The following DPRX variants were observed in gnomAD, a reference collection of about 807,000 sequenced individuals.
DPRX encodes the protein divergent paired-related homeobox.
In DPRX, 11 loss-of-function variants were observed where a neutral mutation model predicts 8.4. The ratio of observed to expected loss-of-function variants is 1.31; its 90% CI spans 0.82 to 2.17. The LOEUF (loss-of-function observed/expected upper bound fraction) is 2.17. Among genes scored for constraint, DPRX ranks in the 30% most tolerant of loss-of-function variants. DPRX has a pLI of 0.00. For synonymous variants in DPRX, 72 were observed against 87.0 expected, an observed-to-expected ratio of 0.83 and a Z score of 0.96; for missense variants, 211 against 236.7, an observed-to-expected ratio of 0.89 and a Z score of 0.71.
Position 53,636,886 on chromosome 19 carries a change from TAATA to T in DPRX, c.475_478del (p.Asn159TyrfsTer?). 1.2e-6 allele frequency: 2 copies of T among 1,614,224 alleles called. No individual in the cohort carries two copies. The highest frequency in any genetic ancestry group is 1.7e-6 in the Non-Finnish European group (2 of 1,180,040). On this transcript the variant is annotated frameshift_variant, in exon 3 of 3. Transcript: ENST00000376650. LOFTEE classifies it low-confidence loss of function (END_TRUNC). Reference sequence around the variant, plus strand: ...TCCATTTTGGCTGCTGCCGAGATCCTAATATATACTGCCTCTACCCCATTTTGGA... The same window carrying T: ...TCCATTTTGGCTGCTGCCGAGATCCTTATACTGCCTCTACCCCATTTTGGA...
the DPRX span, among the ~76,000 whole-genome samples, chr19:53,621,861 T>C: frequency 1.3e-5 from 2 of 152,134 alleles, no homozygotes; most frequent in Non-Finnish European, 2.9e-5. Context: ...TAGGCTGCTA[T>C]AGCTATTTAA....
the DPRX span, among the ~76,000 whole-genome samples, chr19:53,626,534 A>G: frequency 6.6e-6 from 1 of 150,702 alleles, no homozygotes; most frequent in Non-Finnish European, 1.5e-5. Context: ...AGCCTGGGAG[A>G]CAGAGGGAGA....
chr19:53,624,204 C>G, the DPRX span, among the ~76,000 whole-genome samples: 1 of 146,344 alleles, frequency 6.8e-6, no homozygotes, highest in Non-Finnish European at 1.5e-5. Context: ...CCTTCTGCCT[C>G]AGCCTCCTGA....
intron 1 of DPRX, among the ~76,000 whole-genome samples, chr19:53,632,982 T>C (rs962407626): frequency 1.3e-5 from 2 of 152,120 alleles, no homozygotes; most frequent in African/African-American, 4.8e-5. Flanking sequence ...CCAAACCATT[T>C]TCAGGCATGA....
chr19:53,617,513 G>T, the DPRX span, among the ~76,000 whole-genome samples: 1 of 140,994 alleles, frequency 7.1e-6, no homozygotes, highest in Non-Finnish European at 1.5e-5. Flanking sequence ...AGCCGAGATC[G>T]CACCATTGCA....
At chr19:53,616,251 T>A in the DPRX span, among the ~76,000 whole-genome samples, 1 of 151,674 alleles carries the variant, frequency 6.6e-6, no homozygotes, top group African/African-American at 2.4e-5. Context: ...AAACTCTGTC[T>A]CAAAAAAAAT....
intron 1 of DPRX, 84 bp from the exon 2 acceptor site, chr19:53,634,447 C>T: frequency 1.3e-6 from 2 of 1,503,486 alleles, no homozygotes; most frequent in South Asian, 1.3e-5. Context: ...CGTTGTACCT[C>T]AGTGGAAAGG....
chr19:53,618,152 A>AAAAG, the DPRX span, among the ~76,000 whole-genome samples: 1 of 146,334 alleles, frequency 6.8e-6, no homozygotes, highest in Non-Finnish European at 1.5e-5. Flanking sequence ...CAAAAAAAAA[A>AAAAG]AAAGAAAGAA....
chr19:53,603,154 C>T, the DPRX span, among the ~76,000 whole-genome samples: 1 of 150,854 alleles, frequency 6.6e-6, no homozygotes, highest in African/African-American at 2.4e-5. Context: ...CAGGCTCAAG[C>T]AGTTGTCCCG....
chr19:53,633,125 G>A (rs998681882), intron 1 of DPRX, among the ~76,000 whole-genome samples: 8 of 129,542 alleles, frequency 6.2e-5, no homozygotes, highest in Non-Finnish European at 1.4e-4. Context: ...ACAAGACGTT[G>A]TCTCTACAAA....
exon 1 of DPRX, chr19:53,632,130 T>A: frequency 6.2e-7 from 1 of 1,613,956 alleles, no homozygotes; most frequent in Non-Finnish European, 8.5e-7. Context: ...AGGATCTTCG[T>A]AAAGGTAAGC....
At chr19:53,620,358 CGT>C in the DPRX span, among the ~76,000 whole-genome samples, 14 of 151,710 alleles carry the variant, frequency 9.2e-5, no homozygotes, top group South Asian at 2.1e-4. Flanking sequence ...TGTGAGCCAC[CGT>C]ACCCGGCCTA....
At chr19:53,620,338 A>G in the DPRX span, among the ~76,000 whole-genome samples, 27 of 149,124 alleles carry the variant, frequency 1.8e-4, no homozygotes, top group South Asian at 1.3e-3. Context: ...CAAAGTGCTG[A>G]CATTACAGGT....
the DPRX span, among the ~76,000 whole-genome samples, chr19:53,611,645 A>G: frequency 6.6e-6 from 1 of 152,192 alleles, no homozygotes; most frequent in Non-Finnish European, 1.5e-5. Context: ...CTTAAGGAGG[A>G]GAAGAATAAC....
At chr19:53,628,474 C>T (rs924425822), upstream of DPRX, among the ~76,000 whole-genome samples, 5 of 152,144 alleles carry the variant, frequency 3.3e-5, no homozygotes, top group African/African-American at 1.2e-4. Flanking sequence ...TTTTCTCTAA[C>T]TGTGGTGACA....
the DPRX span, among the ~76,000 whole-genome samples, chr19:53,626,397 C>A: frequency 5.6e-3 from 846 of 152,130 alleles, 14 homozygotes; most frequent in African/African-American, 0.019. Context: ...CCCATCTCTA[C>A]AAAAAAAGTT....
the DPRX span, among the ~76,000 whole-genome samples, chr19:53,613,856 G>A: frequency 6.6e-6 from 1 of 151,898 alleles, no homozygotes; most frequent in Non-Finnish European, 1.5e-5. Flanking sequence ...GGAGATTGAG[G>A]ATTTTTTTTT....
At chr19:53,617,243 T>G in the DPRX span, 2 of 778,138 alleles carry the variant, frequency 2.6e-6, no homozygotes, top group Admixed American at 1.7e-5. Flanking sequence ...TACCGGGCTC[T>G]CTGATGGGTT....
intron 1 of DPRX, among the ~76,000 whole-genome samples, chr19:53,633,062 G>A (rs556466616): frequency 1.1e-4 from 17 of 152,250 alleles, no homozygotes; most frequent in Admixed American, 9.2e-4. Context: ...TTGGGAGGCC[G>A]AGGTGGGCAG....
Sources: gnomAD v4.1 joint callset for allele counts (sites outside exome capture counted in the v4.1 genomes callset) on GRCh38, gnomAD v4.1.1 for gene constraint, MANE v1.5 for transcripts, NCBI Gene and HGNC (gene_info 2026-07-23, HGNC 2026-07-21) for gene names.